Variants in ARHGAP25 observed in about 807,000 individuals in gnomAD.
ARHGAP25 encodes the protein rho GTPase-activating protein 25.
Under a neutral mutation model 71.0 loss-of-function variants are expected in ARHGAP25, and 34 were observed. That is an observed-to-expected ratio of 0.48 (90% CI 0.36 to 0.64). The LOEUF is 0.64. Ranked by LOEUF, ARHGAP25 falls within the 30% of genes least tolerant of loss-of-function variation. The probability of loss-of-function intolerance (pLI) is 0.00; values close to 1 mark genes in which losing one functional copy is unlikely to be tolerated. For missense variants in ARHGAP25, 706 were observed against 805.1 expected (o/e 0.88, Z 1.49); for synonymous variants, 282 against 296.5 (o/e 0.95, Z 0.50).
At chr2:68,748,087 C>G (rs553910609) in intron 1 of ARHGAP25, among the ~76,000 whole-genome samples, 36 of 152,122 alleles carry the variant, frequency 2.4e-4, no homozygotes, top group Non-Finnish European at 5.0e-4. Flanking sequence ...GATCTATGCC[C>G]GTGGGATCAG....
chr2:68,792,919 A>G (rs958188401), intron 4 of ARHGAP25, among the ~76,000 whole-genome samples: 2 of 152,156 alleles, frequency 1.3e-5, no homozygotes, highest in African/African-American at 4.8e-5. Flanking sequence ...TTTTCTCTGC[A>G]TCTTGACCGA....
intron 4 of ARHGAP25, among the ~76,000 whole-genome samples, chr2:68,795,652 A>G (rs1158901917): frequency 6.6e-6 from 1 of 152,080 alleles, no homozygotes; most frequent in Non-Finnish European, 1.5e-5. Context: ...TCAGTTTTTA[A>G]AAATTTTTTG....
At chr2:68,732,323 C>T (rs1675042503), upstream of ARHGAP25, among the ~76,000 whole-genome samples, 1 of 152,170 alleles carries the variant, frequency 6.6e-6, no homozygotes, top group Non-Finnish European at 1.5e-5. Context: ...AAAGGAAGTT[C>T]CCTGCGTGTT....
At chr2:68,730,452 T>C (rs997124401), upstream of ARHGAP25, among the ~76,000 whole-genome samples, 1 of 152,112 alleles carries the variant, frequency 6.6e-6, no homozygotes. Context: ...GAGACCAGCC[T>C]GGGCAACATA....
chr2:68,820,747 C>T lies in ARHGAP25; in HGVS notation c.1200+1428C>T, dbSNP rs183837356. On this transcript the variant is annotated intron_variant, in intron 9 of 10. Coordinates refer to ENST00000409202, the MANE Select transcript of ARHGAP25 (RefSeq NM_001007231.3). ...CTCCCGTATCCCCACCCACCCCATC[C>T]CTCACTGCCTTAGTTTCTTATTTAT... Among the ~76,000 whole-genome samples, 17 of 149,782 alleles carry T rather than the reference C, an allele frequency of 1.1e-4. No individual in the cohort carries two copies. In the East Asian group the frequency reaches 3.4e-3, roughly 30 times the overall value.
At chr2:68,724,214 G>C (rs1354814801) in intron 2 of ARHGAP25, among the ~76,000 whole-genome samples, 1 of 152,042 alleles carries the variant, frequency 6.6e-6, no homozygotes, top group Middle Eastern at 3.2e-3. Context: ...CAGGGAGAAA[G>C]CCTCAGTCTC....
intron 7 of ARHGAP25, among the ~76,000 whole-genome samples, chr2:68,817,111 T>C (rs909171917): frequency 1.2e-4 from 18 of 151,812 alleles, no homozygotes; most frequent in Admixed American, 8.5e-4. Context: ...GATTGTGTCC[T>C]TTTTTTTGGT....
upstream of ARHGAP25, among the ~76,000 whole-genome samples, chr2:68,733,557 T>C (rs1465331219): frequency 6.6e-6 from 1 of 151,894 alleles, no homozygotes; most frequent in Non-Finnish European, 1.5e-5. Context: ...AGAGAAGAAA[T>C]TGATGATGCA....
At chr2:68,729,861 T>C (rs958029752), upstream of ARHGAP25, among the ~76,000 whole-genome samples, 9 of 152,248 alleles carry the variant, frequency 5.9e-5, no homozygotes, top group African/African-American at 2.2e-4. Flanking sequence ...TATATTCTTA[T>C]TCACTTTCCC....
At chr2:68,800,570 T>G (rs1200616903) in intron 4 of ARHGAP25, among the ~76,000 whole-genome samples, 1 of 152,094 alleles carries the variant, frequency 6.6e-6, no homozygotes, top group Non-Finnish European at 1.5e-5. Context: ...GCTGGCATGG[T>G]CTGGCATTAG....
intron 2 of ARHGAP25, among the ~76,000 whole-genome samples, chr2:68,720,695 C>T (rs780521222): frequency 6.6e-6 from 1 of 152,130 alleles, no homozygotes; most frequent in African/African-American, 2.4e-5. Context: ...AAACTGAAAT[C>T]GATTTTTATC....
intron 4 of ARHGAP25, among the ~76,000 whole-genome samples, chr2:68,793,249 T>C (rs1558641797): frequency 3.3e-5 from 5 of 152,238 alleles, no homozygotes; most frequent in Non-Finnish European, 1.5e-5. Context: ...GTTGATTCTT[T>C]TGCTGTACAG....
chr2:68,801,799 A>G (rs1170685446), intron 4 of ARHGAP25, among the ~76,000 whole-genome samples: 1 of 152,226 alleles, frequency 6.6e-6, no homozygotes, highest in Non-Finnish European at 1.5e-5. Context: ...AGGGAGCTCT[A>G]TGAGTAGAGG....
rs756769739 is a variant in ARHGAP25 at position 68,807,384 on chromosome 2, G to A, written c.578G>A (p.Arg193Gln). The change falls in exon 5 of 11, where the codon CGG (arginine) becomes CAG (glutamine). Residue 193 changes from arginine (R) to glutamine (Q), a missense_variant. Transcript: ENST00000409202. ...KCAEFILEHG[R>Q]NEEGIFRLPG... is the part of the protein sequence containing the mutation. ...GCAGAGTTCATCCTGGAGCACGGCC[G>A]GAATGAAGAGGGCATCTTCCGTCTG... 25 of 1,614,112 alleles carry A rather than the reference G, an allele frequency of 1.5e-5. No individual in the cohort carries two copies. Among genetic ancestry groups the A allele is most frequent in the Admixed American group, 8.3e-5 (5 of 60,008 alleles).
chr2:68,813,114 G>C (rs897336327), intron 5 of ARHGAP25, among the ~76,000 whole-genome samples, 173 bp from the exon 6 acceptor site: 1 of 152,154 alleles, frequency 6.6e-6, no homozygotes. Flanking sequence ...TGTTCCAGAA[G>C]GGCGAATTAA....
chr2:68,792,947 C>T (rs1431191985), intron 4 of ARHGAP25, among the ~76,000 whole-genome samples: 1 of 151,950 alleles, frequency 6.6e-6, no homozygotes, highest in Non-Finnish European at 1.5e-5. Context: ...TATTTTTTTA[C>T]TTTTTGGTAA....
intron 1 of ARHGAP25, among the ~76,000 whole-genome samples, chr2:68,759,774 T>C (rs1322931210): frequency 6.6e-6 from 1 of 151,918 alleles, no homozygotes; most frequent in Non-Finnish European, 1.5e-5. Context: ...ACAACATATC[T>C]AAAGAAGAAC....
intron 5 of ARHGAP25, among the ~76,000 whole-genome samples, chr2:68,810,708 T>G (rs1395461113): frequency 6.8e-6 from 1 of 147,676 alleles, no homozygotes; most frequent in Non-Finnish European, 1.5e-5. Context: ...GTTCAAAAGA[T>G]CCAATTTCTT....
chr2:68,822,340 A>G lies in ARHGAP25; in HGVS notation c.1201A>G (p.Thr401Ala), dbSNP rs948164561. The G allele has an allele frequency of 6.2e-6, 10 of 1,611,396 alleles. No individual in the cohort carries two copies. The highest frequency in any genetic ancestry group is 7.6e-6 in the Non-Finnish European group (9 of 1,178,728). The change falls in exon 10 of 11, where the codon ACA becomes GCA. Residue 401 changes from threonine (T) to alanine (A), a missense_variant and splice_region_variant. Physicochemically the swap from Thr to Ala is moderately conservative, Grantham distance 58 (BLOSUM62 0). Transcript: ENST00000409202. ...ACATCCATGGCCATTTCTTTTCTAG[A>G]CAAGCGACTCTGATACAACCAGCCC... Reference protein sequence around the residue: ...ISRTDSFSSMTSDSDTTSPTG... With the variant: ...ISRTDSFSSMASDSDTTSPTG...
Sources: gnomAD v4.1 joint callset for allele counts (sites outside exome capture counted in the v4.1 genomes callset) on GRCh38, gnomAD v4.1.1 for gene constraint, MANE v1.5 for transcripts, NCBI Gene and HGNC (gene_info 2026-07-23, HGNC 2026-07-21) for gene names.